The following BCAN variants were observed in gnomAD, a reference collection of about 807,000 sequenced individuals.
The protein encoded by BCAN is brevican.
Under a neutral mutation model 92.4 loss-of-function variants are expected in BCAN, and 51 were observed. That is an observed-to-expected ratio of 0.55 (90% CI 0.44 to 0.70). The LOEUF (loss-of-function observed/expected upper bound fraction) is 0.70. Ranked by LOEUF, BCAN falls within the 30% of genes least tolerant of loss-of-function variation. BCAN has a pLI of 0.00. For missense variants in BCAN, 1,140 were observed against 1,212.1 expected (o/e 0.94, Z 0.88); for synonymous variants, 501 against 505.2 (o/e 0.99, Z 0.11).
In BCAN at chr1:156,656,919, C is replaced by T. The variant is rs1679351824; in HGVS notation, c.2051-19C>T. The T allele has an allele frequency of 5.6e-6, 9 of 1,609,000 alleles. No homozygotes were observed. The South Asian group carries it at 9.9e-5, about 18-fold the overall frequency. ...TCTGGGTTTTGGGGCCCTAAGATGC[C>T]CGCCCTTATGTGCCGCAGGCCTCCG... On this transcript the variant is annotated intron_variant, in intron 9 of 13. Coordinates refer to ENST00000329117, the MANE Select transcript of BCAN (RefSeq NM_021948.5).
Position 156,656,356 on chromosome 1 carries a change from C to T in BCAN, c.2017C>T (p.Leu673=). Residue 673 remains leucine, a synonymous_variant, in exon 9 of 14, where the codon CTG becomes TTG. Coordinates refer to ENST00000329117, the MANE Select transcript of BCAN (RefSeq NM_021948.5). The part of the protein sequence containing the change: ...EEEEGVRCLC[L]PGYGGDLCDV... ...GGAGGAAGGGGTCCGCTGCCTATGT[C>T]TGCCTGGCTATGGGGGGGACCTGTG... 1 of 1,407,258 alleles carries T rather than the reference C, an allele frequency of 7.1e-7. No individual in the cohort carries two copies. Among genetic ancestry groups the T allele is most frequent in the African/African-American group, 1.5e-5 (1 of 67,098 alleles). The allele number at this position is 1,407,258 out of a possible 1,614,324, so 87.2% of individuals were successfully genotyped here.
rs764076336 is a variant in BCAN, at chr1:156,646,137, A to T, written c.83A>T (p.Asp28Val). 1 of 1,613,388 alleles carries T rather than the reference A, an allele frequency of 6.2e-7. No individual in the cohort carries two copies. The highest frequency in any genetic ancestry group is 8.5e-7 in the Non-Finnish European group (1 of 1,179,490). ...GCTTTAGCAGATGTTCTGGAAGGAG[A>T]CAGCTCAGGTAAGCAACCCCACTTG... ...PAALADVLEG[D>V]SSEDRAFRVR... is the part of the protein sequence containing the mutation. Residue 28 changes from aspartate (D) to valine (V), a missense_variant, in exon 2 of 14, where the codon GAC becomes GTC. Coordinates refer to ENST00000329117, the MANE Select transcript of BCAN (RefSeq NM_021948.5).
Position 156,652,663 on chromosome 1 carries a change from TC to T in BCAN, c.1715del (p.Pro572LeufsTer284), listed in dbSNP as rs761324263. ...GAGAGGTGGGGGAGGCAACTGGTGG[TC>T]CTGAGCTATCTGGGGTCCCTCGAGG... The part of the protein sequence containing the change: ...AREVGEATGG[P>X]ELSGVPRGES... On this transcript the variant is annotated frameshift_variant, in exon 8 of 14. Coordinates refer to ENST00000329117, the MANE Select transcript of BCAN (RefSeq NM_021948.5). LOFTEE classifies it high-confidence loss of function. The T allele has an allele frequency of 6.2e-7, 1 of 1,613,414 alleles. No individual in the cohort carries two copies. The highest frequency in any genetic ancestry group is 1.1e-5 in the South Asian group (1 of 91,044).
chr1:156,646,271 T>C, intron 2 of BCAN, 126 bp downstream of exon 2: 1 of 880,686 alleles, frequency 1.1e-6, no homozygotes, highest in Admixed American at 2.6e-5. Flanking sequence ...GCTGGAACAC[T>C]TGGAAATAAG....
chr1:156,653,812 T>C (rs1298768570), intron 8 of BCAN, among the ~76,000 whole-genome samples: 4 of 152,148 alleles, frequency 2.6e-5, no homozygotes, highest in Non-Finnish European at 4.4e-5. Context: ...TCACTCCTGA[T>C]GAGGAGAAAC....
In BCAN at chr1:156,647,659, C is replaced by A; in HGVS notation, c.618C>A (p.Gly206=). Residue 206 remains glycine (G), a synonymous_variant, in exon 4 of 14, where the codon GGC becomes GGA. Coordinates refer to ENST00000329117, the MANE Select transcript of BCAN (RefSeq NM_021948.5). This position sits in a 1 kb window ranked among gnomAD's most constrained non-coding sequence, Gnocchi z 4.8. ...GGGGCTATGAGCAATGTGATGCTGGCTGGCTGTCGGATCAGACCGTGAGGT... is the reference window on the plus strand; with the variant it reads ...GGGGCTATGAGCAATGTGATGCTGGATGGCTGTCGGATCAGACCGTGAGGT... ...YLGGYEQCDA[G]WLSDQTVRYP... 6.3e-7 allele frequency: 1 copy of A among 1,599,662 alleles called. No individual in the cohort carries two copies. Among genetic ancestry groups the A allele is most frequent in the Non-Finnish European group, 8.5e-7 (1 of 1,172,270 alleles).
chr1:156,651,373 A>C, intron 6 of BCAN, 83 bp from the exon 7 acceptor site: 6 of 1,250,138 alleles, frequency 4.8e-6, no homozygotes, highest in Non-Finnish European at 5.6e-6. Flanking sequence ...GAGAGAATTG[A>C]GAGAATTCCA....
At chr1:156,657,143 C>G (rs780391342) in intron 10 of BCAN, 47 bp downstream of exon 10, 1 of 1,591,098 alleles carries the variant, frequency 6.3e-7, no homozygotes, top group Non-Finnish European at 8.6e-7. Context: ...TATGCTCTCA[C>G]TCTCTCTCAC....
chr1:156,654,202 G>C (rs1679263164), intron 8 of BCAN, among the ~76,000 whole-genome samples: 2 of 152,220 alleles, frequency 1.3e-5, no homozygotes, highest in Non-Finnish European at 2.9e-5. Context: ...TCTGAGAGAA[G>C]CCCTCTCTAC....
intron 8 of BCAN, among the ~76,000 whole-genome samples, 199 bp from the exon 9 acceptor site, chr1:156,656,083 C>G (rs150063652): frequency 1.3e-5 from 2 of 152,188 alleles, no homozygotes; most frequent in African/African-American, 4.8e-5. Context: ...AAGTCGGGAG[C>G]GGGAAGAGGA....
Position 156,646,824 on chromosome 1 carries a change from A to G in BCAN, c.115A>G (p.Ile39Val), listed in dbSNP as rs998767754. The G allele has an allele frequency of 7.0e-6, 11 of 1,573,742 alleles. No homozygotes were observed. Among genetic ancestry groups the G allele is most frequent in the Non-Finnish European group, 8.6e-6 (10 of 1,160,628 alleles). ...SSEDRAFRVR[I>V]AGDAPLQGVL... is the part of the protein sequence containing the mutation. ...AGAGGACCGCGCTTTTCGCGTGCGC[A>G]TCGCGGGCGACGCGCCACTGCAGGG... Residue 39 changes from isoleucine (I) to valine (V), a missense_variant, in exon 3 of 14, where the codon ATC becomes GTC. Ile to Val is a conservative substitution (Grantham distance 29). Around this residue, in one of 3 missense-constraint regions of BCAN, gnomAD observed 286 missense variants for 284.1 expected, o/e 1.01. Transcript: ENST00000329117.
chr1:156,657,083 G>A lies in BCAN; in HGVS notation c.2196G>A (p.Gln732=). ...CCAGCATCAGCACACCCGAGGAACA[G>A]GACTTCATCAACAGTGGGCTGGGAG... is the stretch of plus-strand genomic sequence containing the variant. ...HLASISTPEE[Q]DFINNRYREY... The change falls in exon 10 of 14, where the codon CAG becomes CAA. Residue 732 remains glutamine (Q), a synonymous_variant. Coordinates refer to ENST00000329117, the MANE Select transcript of BCAN (RefSeq NM_021948.5). The A allele has an allele frequency of 2.0e-5, 32 of 1,613,282 alleles. No individual in the cohort carries two copies. Among genetic ancestry groups the A allele is most frequent in the Non-Finnish European group, 2.7e-5 (32 of 1,179,322 alleles).
rs373539890 is a variant in BCAN at position 156,651,565 on chromosome 1, G to A, written c.1173G>A (p.Gln391=). 1.1e-5 allele frequency: 17 copies of A among 1,613,980 alleles called. No homozygotes were observed. Among genetic ancestry groups the A allele is most frequent in the East Asian group, 2.2e-5 (1 of 44,888 alleles). ...VTVTETLEEL[Q]LPQEATESES... is the part of the protein sequence containing the mutation. ...TGACAGAGACCCTGGAGGAACTGCAGCTGCCTCAGGAAGCCACAGAGAGTG... is the reference window on the plus strand; with the variant it reads ...TGACAGAGACCCTGGAGGAACTGCAACTGCCTCAGGAAGCCACAGAGAGTG... Residue 391 remains glutamine (Q), a synonymous_variant, in exon 7 of 14, where the codon CAG becomes CAA. Transcript: ENST00000329117.
chr1:156,648,770 G>A lies in BCAN; in HGVS notation c.972G>A (p.Gly324=), dbSNP rs1428930145. ...PIVTPSQRCG[G]GLPGVKTLFL... is the part of the protein sequence containing the mutation. ...TCACACCCAGCCAGCGCTGTGGTGG[G>A]GGCTTGCCTGGTGTCAAGACTCTCT... Residue 324 remains glycine, a synonymous_variant, in exon 6 of 14, where the codon GGG becomes GGA. Transcript: ENST00000329117. 7.5e-6 allele frequency: 12 copies of A among 1,609,090 alleles called. No homozygotes were observed. Among genetic ancestry groups the A allele is most frequent in the Non-Finnish European group, 1.0e-5 (12 of 1,176,022 alleles).
At position 156,659,199 on chromosome 1, in the gene BCAN, C is replaced by T. The variant is rs1571455440; in HGVS notation, c.*65C>T. Reference sequence around the variant, plus strand: ...TGTCACCCAAATTTTCCCTCACACCCTGCGCTCCCGCCACCACAGGAAGTG... The same window carrying T: ...TGTCACCCAAATTTTCCCTCACACCTTGCGCTCCCGCCACCACAGGAAGTG... On this transcript the variant is annotated 3_prime_UTR_variant, in exon 14 of 14. Coordinates refer to ENST00000329117, the MANE Select transcript of BCAN (RefSeq NM_021948.5). The T allele has an allele frequency of 3.9e-6, 5 of 1,273,146 alleles. No homozygotes were observed. In the East Asian group the frequency reaches 1.3e-4, roughly 33 times the overall value. The allele number at this position is 1,273,146 out of a possible 1,614,324, so 78.9% of individuals were successfully genotyped here. A position where few individuals can be genotyped will look rare whatever the true frequency, so the allele number is the denominator to read the frequency against.
At chr1:156,650,878 G>T (rs1043166496) in intron 6 of BCAN, among the ~76,000 whole-genome samples, 15 of 152,232 alleles carry the variant, frequency 9.9e-5, no homozygotes, top group African/African-American at 3.4e-4. Context: ...AGGAGGCGAA[G>T]GTTGCAATGA....
chr1:156,657,496 C>T (rs568592770), intron 10 of BCAN, 179 bp from the exon 11 acceptor site: 3 of 569,730 alleles, frequency 5.3e-6, no homozygotes, highest in South Asian at 4.7e-5. Flanking sequence ...ATTCTCCCAC[C>T]CCCATTCCCC....
intron 10 of BCAN, chr1:156,657,458 T>A: frequency 1.1e-5 from 6 of 551,194 alleles, no homozygotes; most frequent in Middle Eastern, 4.7e-4. Context: ...AAAACTCCCC[T>A]TTTCTAGCCT....
At chr1:156,652,179 CTTCCCTTTTTCCT>C in intron 7 of BCAN, 56 bp from the exon 8 acceptor site, 1 of 1,521,594 alleles carries the variant, frequency 6.6e-7, no homozygotes, top group South Asian at 1.3e-5. Flanking sequence ...CTTTTCTCCC[CTTCCCTTTTTCCT>C]TTCGGTCCTT....
Sources: gnomAD v4.1 joint callset for allele counts (sites outside exome capture counted in the v4.1 genomes callset) on GRCh38, gnomAD v4.1.1 for gene constraint, gnomAD v4.1.1 regional missense constraint, Gnocchi (gnomAD v3.1) non-coding constraint, MANE v1.5 for transcripts, NCBI Gene and HGNC (gene_info 2026-07-23, HGNC 2026-07-21) for gene names.